Variants in GRID1 observed in about 807,000 individuals in gnomAD.
GRID1 encodes the protein glutamate receptor ionotropic, delta-1.
In GRID1, 28 loss-of-function variants were observed where a neutral mutation model predicts 98.0. The ratio of observed to expected loss-of-function variants is 0.29; its 90% CI spans 0.21 to 0.39. GRID1 has a LOEUF of 0.39. Ranked by LOEUF, GRID1 falls within the 10% of genes least tolerant of loss-of-function variation. The pLI, the probability that GRID1 is intolerant of heterozygous loss-of-function variation, is 1.00. For synonymous variants in GRID1, 553 were observed against 538.5 expected (o/e 1.03, Z -0.37); for missense variants, 1,111 against 1,340.5 (o/e 0.83, Z 2.67).
chr10:86,343,813 C>T (rs1848344345), intron 2 of GRID1, among the ~76,000 whole-genome samples: 1 of 152,252 alleles, frequency 6.6e-6, no homozygotes, highest in Admixed American at 6.5e-5. Flanking sequence ...AGTCATGGCC[C>T]AGCCAGGGAC....
rs141622233 is a variant in GRID1 at position 86,054,095 on chromosome 10, T to C, written c.726+84724A>G. 2.2e-3 allele frequency among the ~76,000 whole-genome samples: 333 copies of C among 152,212 alleles called. 2 individuals are homozygous for C. Among genetic ancestry groups the C allele is most frequent in the African/African-American group, 7.8e-3 (322 of 41,528 alleles). ...TCCAGGCTCCAAAAAGCCACTTAACTCTCATGACCCCCTGAAAATGCCTTC... is the reference window on the plus strand; with the variant it reads ...TCCAGGCTCCAAAAAGCCACTTAACCCTCATGACCCCCTGAAAATGCCTTC... On this transcript the variant is annotated intron_variant, in intron 4 of 15. Coordinates refer to ENST00000327946, the MANE Select transcript of GRID1 (RefSeq NM_017551.3).
chr10:85,786,549 A>T (rs1472782051), intron 8 of GRID1, among the ~76,000 whole-genome samples: 1 of 152,182 alleles, frequency 6.6e-6, no homozygotes, highest in African/African-American at 2.4e-5. Flanking sequence ...CATTGGAACC[A>T]CGTGGGCCCG....
chr10:85,727,801 A>G, intron 10 of GRID1, 54 bp downstream of exon 10: 2 of 1,339,452 alleles, frequency 1.5e-6, no homozygotes, highest in South Asian at 1.2e-5. Context: ...TTTAGATATT[A>G]CCCCAGAGGA....
At chr10:85,825,451 C>T (rs919115010) in intron 8 of GRID1, among the ~76,000 whole-genome samples, 9 of 151,942 alleles carry the variant, frequency 5.9e-5, no homozygotes, top group Middle Eastern at 3.4e-3. Flanking sequence ...TTGTCAGATG[C>T]ATCATTTGCA....
chr10:85,638,434 CTGACT>C (rs1434735241), intron 13 of GRID1, among the ~76,000 whole-genome samples: 3 of 152,220 alleles, frequency 2.0e-5, no homozygotes, highest in African/African-American at 4.8e-5. Context: ...CTTACAATAC[CTGACT>C]TAAGGAATTA....
At chr10:86,064,126 T>A (rs985520412) in intron 4 of GRID1, among the ~76,000 whole-genome samples, 1 of 152,226 alleles carries the variant, frequency 6.6e-6, no homozygotes, top group African/African-American at 2.4e-5. Flanking sequence ...TGATAATGTA[T>A]AATCTCCTAA....
At chr10:86,093,617 T>C (rs1844179024) in intron 4 of GRID1, among the ~76,000 whole-genome samples, 1 of 152,112 alleles carries the variant, frequency 6.6e-6, no homozygotes, top group Admixed American at 6.6e-5. Context: ...ATGGATAAAT[T>C]CCTGGAAAAA....
At chr10:85,682,821 T>C (rs1393322757) in intron 12 of GRID1, among the ~76,000 whole-genome samples, 4 of 152,210 alleles carry the variant, frequency 2.6e-5, no homozygotes, top group Non-Finnish European at 4.4e-5. Context: ...TCCTGGAATG[T>C]AGCTGCTTGG....
intron 2 of GRID1, among the ~76,000 whole-genome samples, chr10:86,265,933 T>A (rs1173789343): frequency 6.6e-6 from 1 of 152,128 alleles, no homozygotes; most frequent in Non-Finnish European, 1.5e-5. Flanking sequence ...TCCACTGCCC[T>A]GGCTCAGCCC....
At chr10:86,283,325 C>T (rs1231566696) in intron 2 of GRID1, among the ~76,000 whole-genome samples, 1 of 152,200 alleles carries the variant, frequency 6.6e-6, no homozygotes, top group Non-Finnish European at 1.5e-5. Flanking sequence ...GGACTCAGAC[C>T]TCCTCAAGAT....
At chr10:85,971,443 G>A (rs1295742193) in intron 4 of GRID1, among the ~76,000 whole-genome samples, 1 of 151,946 alleles carries the variant, frequency 6.6e-6, no homozygotes, top group Non-Finnish European at 1.5e-5. Flanking sequence ...GTCCCAAAAA[G>A]ACCCATATTC....
intron 2 of GRID1, among the ~76,000 whole-genome samples, chr10:86,237,118 T>C (rs1846551256): frequency 6.6e-6 from 1 of 152,156 alleles, no homozygotes; most frequent in African/African-American, 2.4e-5. Context: ...CACTGTGCCA[T>C]TTCTCACTAC....
intron 12 of GRID1, among the ~76,000 whole-genome samples, chr10:85,695,138 C>G (rs1470931769): frequency 6.6e-6 from 1 of 152,114 alleles, no homozygotes; most frequent in Non-Finnish European, 1.5e-5. Context: ...TTTCCAGCAC[C>G]TTGAATATGT....
intron 2 of GRID1, among the ~76,000 whole-genome samples, chr10:86,314,922 C>A (rs144052336): frequency 6.6e-6 from 1 of 152,306 alleles, no homozygotes; most frequent in East Asian, 1.9e-4. Context: ...TAGTCCATCC[C>A]ATGGGAACCC....
At chr10:86,276,653 C>T (rs747300412) in intron 2 of GRID1, among the ~76,000 whole-genome samples, 4 of 152,024 alleles carry the variant, frequency 2.6e-5, no homozygotes, top group Admixed American at 6.6e-5. Context: ...CCACACCTAG[C>T]AAATTTTTGT....
chr10:85,869,216 T>C, intron 5 of GRID1, 36 bp from the exon 6 acceptor site: 1 of 1,575,826 alleles, frequency 6.3e-7, no homozygotes, highest in Non-Finnish European at 8.7e-7. Context: ...TACCATCCAC[T>C]CATGAACTAT....
chr10:86,182,509 C>T (rs1178329945), intron 3 of GRID1, among the ~76,000 whole-genome samples: 1 of 152,216 alleles, frequency 6.6e-6, no homozygotes, highest in Non-Finnish European at 1.5e-5. Flanking sequence ...TGTTCCATAA[C>T]CGACACACTA....
chr10:86,029,884 G>A (rs1358633997), intron 4 of GRID1, among the ~76,000 whole-genome samples: 1 of 152,174 alleles, frequency 6.6e-6, no homozygotes, highest in Non-Finnish European at 1.5e-5. Context: ...TAGACCCCCA[G>A]AGGGAAATTC....
At chr10:85,739,104 G>A (rs757777394) in intron 8 of GRID1, among the ~76,000 whole-genome samples, 9 of 151,932 alleles carry the variant, frequency 5.9e-5, no homozygotes, top group Non-Finnish European at 1.3e-4. Context: ...GCACATACTT[G>A]TATTTAAATA....
Sources: allele counts gnomAD v4.1 joint callset (sites outside exome capture counted in the v4.1 genomes callset), GRCh38; gene constraint gnomAD v4.1.1; transcripts MANE v1.5; gene names NCBI Gene and HGNC (gene_info 2026-07-23, HGNC 2026-07-21).